Variants in TMX3 observed in about 807,000 individuals in gnomAD.
TMX3 encodes protein disulfide-isomerase TMX3.
Under a neutral mutation model 64.4 loss-of-function variants are expected in TMX3, and 40 were observed. That is an observed-to-expected ratio of 0.62 (90% CI 0.48 to 0.81). The LOEUF is 0.81. TMX3 is among the 30% of genes least tolerant of loss of function. TMX3 has a pLI of 0.00. For missense variants in TMX3, 497 were observed against 534.5 expected, an observed-to-expected ratio of 0.93 and a Z score of 0.69; for synonymous variants, 189 against 175.7, an observed-to-expected ratio of 1.08 and a Z score of -0.60.
Position 68,700,501 on chromosome 18 carries a change from A to G in TMX3, c.312-16T>C. 3 of 1,507,778 alleles carry G rather than the reference A, an allele frequency of 2.0e-6. No individual in the cohort carries two copies. The highest frequency in any genetic ancestry group is 2.7e-6 in the Non-Finnish European group (3 of 1,121,450). 93.4% of individuals were successfully genotyped at this position (1,507,778 alleles called of 1,614,324 possible). ...CCCTTTTAATCTTTAAAAAAAAAAAAAAATTAAAACCTGGATTGTTCTAAC... is the reference window on the plus strand; with the variant it reads ...CCCTTTTAATCTTTAAAAAAAAAAAGAAATTAAAACCTGGATTGTTCTAAC... On this transcript the variant is annotated splice_polypyrimidine_tract_variant and intron_variant, in intron 5 of 15. Coordinates refer to ENST00000299608, the MANE Select transcript of TMX3 (RefSeq NM_019022.5).
chr18:68,680,464 A>AATATTTTATAGGATT (rs1177156275), intron 14 of TMX3, among the ~76,000 whole-genome samples: 4 of 152,132 alleles, frequency 2.6e-5, no homozygotes, highest in African/African-American at 9.7e-5. Flanking sequence ...ATTTCTGAGA[A>AATATTTTATAGGATT]ATATTTTATA....
intron 10 of TMX3, among the ~76,000 whole-genome samples, 171 bp from the exon 11 acceptor site, chr18:68,684,656 T>A (rs1913769528): frequency 6.6e-6 from 1 of 152,148 alleles, no homozygotes. Flanking sequence ...GTTTGTAGAG[T>A]CAATCAGTGA....
chr18:68,687,451 C>T (rs1400320246), intron 10 of TMX3: 2 of 985,152 alleles, frequency 2.0e-6, no homozygotes, highest in African/African-American at 1.7e-5. Flanking sequence ...ACCATCAGTT[C>T]TATTAGTAAA....
intron 13 of TMX3, among the ~76,000 whole-genome samples, chr18:68,682,156 C>G (rs1913500027): frequency 6.6e-6 from 1 of 152,130 alleles, no homozygotes; most frequent in African/African-American, 2.4e-5. Context: ...TGGTCTTATC[C>G]AGTGGACTGT....
intron 13 of TMX3, chr18:68,681,519 T>A: frequency 2.0e-6 from 2 of 984,814 alleles, no homozygotes; most frequent in Non-Finnish European, 2.4e-6. Context: ...GGTACTTTAA[T>A]CTTTGGCAAA....
At position 68,714,933 on chromosome 18, in the gene TMX3, T is replaced by TA. The variant is rs2031808781; in HGVS notation, c.46+2dup. On this transcript the variant is annotated splice_region_variant and intron_variant, in intron 1 of 15. Coordinates refer to ENST00000299608, the MANE Select transcript of TMX3 (RefSeq NM_019022.5). ...AGCGTCCCGACCGCTGAGCCCCCAT[T>TA]ACCTGTGGCGCAGAGCCGCAGGGCC... The TA allele has an allele frequency of 1.3e-6, 2 of 1,562,956 alleles. No homozygotes were observed. Among genetic ancestry groups the TA allele is most frequent in the African/African-American group, 2.7e-5 (2 of 73,314 alleles).
At chr18:68,680,718 C>T (rs1200949440) in intron 14 of TMX3, among the ~76,000 whole-genome samples, 2 of 152,126 alleles carry the variant, frequency 1.3e-5, no homozygotes, top group Non-Finnish European at 2.9e-5. Context: ...CTCCCCATCA[C>T]CATGACAACC....
At chr18:68,678,254 A>G (rs1437749936) in intron 15 of TMX3, among the ~76,000 whole-genome samples, 1 of 152,138 alleles carries the variant, frequency 6.6e-6, no homozygotes, top group Admixed American at 6.6e-5. Flanking sequence ...AAAAAATGTT[A>G]GCTATATTTT....
chr18:68,710,571 A>G (rs1324393485), intron 3 of TMX3, among the ~76,000 whole-genome samples: 6 of 152,156 alleles, frequency 3.9e-5, no homozygotes, highest in Non-Finnish European at 8.8e-5. Context: ...GACTTTGCTG[A>G]GTTCTATTGT....
Position 68,684,430 on chromosome 18 carries a change from G to T in TMX3, c.792C>A (p.Thr264=). The part of the protein sequence containing the change: ...IDEKNTSVEH[T]RLKSIIQEVA... ...AAAACTATATCAAGGCATTATACCT[G>T]GTATGTTCAACTGATGTATTTTTCT... The change falls in exon 11 of 16, where the codon ACC becomes ACA. Residue 264 remains threonine, a splice_region_variant and synonymous_variant. Coordinates refer to ENST00000299608, the MANE Select transcript of TMX3 (RefSeq NM_019022.5). 1.9e-6 allele frequency: 3 copies of T among 1,611,856 alleles called. No homozygotes were observed. The highest frequency in any genetic ancestry group is 2.2e-5 in the South Asian group (2 of 90,966).
At chr18:68,689,724 C>A (rs1914328952) in intron 9 of TMX3, 1 of 152,124 alleles carries the variant, frequency 6.6e-6, no homozygotes, top group Admixed American at 6.5e-5. Flanking sequence ...CTCTGAAGTT[C>A]TTTTATAAGC....
chr18:68,714,538 G>C (rs1157603986), intron 1 of TMX3: 2 of 276,194 alleles, frequency 7.2e-6, no homozygotes, highest in Admixed American at 1.1e-4. Flanking sequence ...CCTCTCTTGA[G>C]TACTGGTGGT....
intron 8 of TMX3, among the ~76,000 whole-genome samples, chr18:68,695,584 T>C (rs763975890): frequency 3.3e-5 from 5 of 152,164 alleles, no homozygotes; most frequent in Non-Finnish European, 5.9e-5. Context: ...CTCTACCCAA[T>C]TGTTCAAACC....
chr18:68,702,088 A>AAAAAAT (rs2030144667), intron 4 of TMX3, among the ~76,000 whole-genome samples: 1 of 150,914 alleles, frequency 6.6e-6, no homozygotes, highest in Non-Finnish European at 1.5e-5. Context: ...ATACTGGTAA[A>AAAAAAT]AAAAATAAAA....
At chr18:68,702,255 T>C (rs1362756341) in intron 4 of TMX3, among the ~76,000 whole-genome samples, 2 of 150,828 alleles carry the variant, frequency 1.3e-5, no homozygotes, top group African/African-American at 2.4e-5. Context: ...CAGTGTATTC[T>C]AATTTTAAAA....
In TMX3 at chr18:68,674,418, T is replaced by C. The variant is rs1450370732; in HGVS notation, c.*2515A>G. ...TTCTGCAAAAGCAAGGATCTAGAAT[T>C]CCGAATTTTAGAAGTTATAAAGAGA... On this transcript the variant is annotated 3_prime_UTR_variant, in exon 16 of 16. Transcript: ENST00000299608. The C allele has an allele frequency of 1.3e-5, 2 of 152,012 alleles. No homozygotes were observed. Among genetic ancestry groups the C allele is most frequent in the Non-Finnish European group, 2.9e-5 (2 of 67,942 alleles). 9.4% of individuals were successfully genotyped at this position (152,012 alleles called of 1,614,324 possible).
intron 5 of TMX3, 27 bp from the exon 6 acceptor site, chr18:68,700,512 C>G (rs1233202058): frequency 1.1e-5 from 14 of 1,312,192 alleles, no homozygotes; most frequent in African/African-American, 3.0e-5. Flanking sequence ...AAATTAAAAC[C>G]TGGATTGTTC....
At chr18:68,687,126 A>T (rs773065438) in intron 10 of TMX3, 10 of 984,472 alleles carry the variant, frequency 1.0e-5, no homozygotes, top group Non-Finnish European at 1.2e-5. Flanking sequence ...AATTTATAAA[A>T]CACTTTCTCC....
At chr18:68,711,495 A>T in intron 2 of TMX3, 92 bp from the exon 3 acceptor site, 1 of 858,086 alleles carries the variant, frequency 1.2e-6, no homozygotes. Context: ...GATAAATATA[A>T]GGGAAAGACC....
Sources: gnomAD v4.1 joint callset for allele counts (sites outside exome capture counted in the v4.1 genomes callset) on GRCh38, gnomAD v4.1.1 for gene constraint, MANE v1.5 for transcripts, NCBI Gene and HGNC (gene_info 2026-07-23, HGNC 2026-07-21) for gene names.